The following SHANK2 variants were observed in gnomAD, a reference collection of about 807,000 sequenced individuals.
SHANK2 encodes the protein SH3 and multiple ankyrin repeat domains protein 2.
A neutral mutation model predicts 133.7 loss-of-function variants in SHANK2; 43 were observed. The ratio of observed to expected loss-of-function variants is 0.32; its 90% confidence interval spans 0.25 to 0.41. The LOEUF is 0.41. SHANK2 is among the 10% of genes least tolerant of loss of function. SHANK2 has a pLI of 1.00. For synonymous variants in SHANK2, 1,017 were observed against 952.8 expected, an observed-to-expected ratio of 1.07 and a Z score of -1.24; for missense variants, 1,994 against 2,235.8, an observed-to-expected ratio of 0.89 and a Z score of 2.18.
rs141635237 is a variant in SHANK2, at chr11:71,249,747, T to G, written c.-113+2678A>C. On this transcript the variant is annotated intron_variant, in intron 1 of 25. Coordinates refer to ENST00000601538, the MANE Select transcript of SHANK2 (RefSeq NM_012309.5). ...TACGTATTTGGAAGTAAGGCAAGTATGCTAAAGCACTGCCTTCCTATAAAG... is the reference window on the plus strand; with the variant it reads ...TACGTATTTGGAAGTAAGGCAAGTAGGCTAAAGCACTGCCTTCCTATAAAG... 1.7e-3 allele frequency among the ~76,000 whole-genome samples: 257 copies of G among 152,354 alleles called. 2 individuals carry two copies. The highest frequency in any genetic ancestry group is 6.0e-3 in the African/African-American group (251 of 41,584).
chr11:70,553,373 G>A (rs1282647513), intron 17 of SHANK2, among the ~76,000 whole-genome samples: 2 of 152,154 alleles, frequency 1.3e-5, no homozygotes, highest in African/African-American at 4.8e-5. Flanking sequence ...GATTACAGGC[G>A]TGAGCCACCG....
chr11:70,793,826 G>T (rs1488501703), intron 14 of SHANK2, among the ~76,000 whole-genome samples: 1 of 152,126 alleles, frequency 6.6e-6, no homozygotes, highest in Non-Finnish European at 1.5e-5. Flanking sequence ...TCTACCTAGA[G>T]AAATAAAAAT....
intron 14 of SHANK2, among the ~76,000 whole-genome samples, chr11:70,708,523 G>A (rs981702945): frequency 1.1e-4 from 16 of 152,198 alleles, no homozygotes; most frequent in African/African-American, 3.4e-4. Context: ...TTTTGTCAAA[G>A]GGCAGTGACA....
intron 11 of SHANK2, among the ~76,000 whole-genome samples, chr11:70,839,636 T>C (rs1157550540): frequency 6.6e-6 from 1 of 152,088 alleles, no homozygotes; most frequent in Non-Finnish European, 1.5e-5. Context: ...AATCCAACTT[T>C]TGTAAGGTTT....
intron 2 of SHANK2, among the ~76,000 whole-genome samples, chr11:71,206,252 C>A (rs1954124552): frequency 6.6e-6 from 1 of 152,230 alleles, no homozygotes; most frequent in South Asian, 2.1e-4. Flanking sequence ...CCAGGAAGGG[C>A]TGGAACAACG....
intron 8 of SHANK2, among the ~76,000 whole-genome samples, chr11:71,076,160 T>A (rs1432974738): frequency 6.6e-6 from 1 of 152,062 alleles, no homozygotes; most frequent in African/African-American, 2.4e-5. Context: ...TGAGGGCCCC[T>A]CTGTCCAGCC....
chr11:70,910,155 A>G (rs1950169235), intron 10 of SHANK2, among the ~76,000 whole-genome samples: 1 of 152,150 alleles, frequency 6.6e-6, no homozygotes, highest in Admixed American at 6.5e-5. Flanking sequence ...TACCTCTTCA[A>G]AGGTCCCATC....
chr11:70,658,422 A>G (rs532624), intron 17 of SHANK2, among the ~76,000 whole-genome samples: 152,258 of 152,312 alleles, frequency 1, 76,103 homozygotes, highest in Middle Eastern at 1. Context: ...ACAAAGCCAC[A>G]GCGGGCTCCA....
intron 11 of SHANK2, among the ~76,000 whole-genome samples, chr11:70,835,455 G>T (rs1555059820): frequency 6.6e-6 from 1 of 152,220 alleles, no homozygotes; most frequent in African/African-American, 2.4e-5. Flanking sequence ...CATGTGCTGA[G>T]ATGTGCTCCA....
rs1488979002 is a variant in SHANK2, at chr11:70,882,606, A to C, written c.1174+13895T>G. Among the ~76,000 whole-genome samples, 2 of 152,186 alleles carry C rather than the reference A, an allele frequency of 1.3e-5. No individual in the cohort carries two copies. Among genetic ancestry groups the C allele is most frequent in the Admixed American group, 1.3e-4 (2 of 15,286 alleles). ...GGCTAGTCTGTGCAGAAGCAGGCTT[A>C]GGTCAGAGGTAGGGCAGACCCCAAA... is the stretch of plus-strand genomic sequence containing the variant. On this transcript the variant is annotated intron_variant, in intron 11 of 25. Coordinates refer to ENST00000601538, the MANE Select transcript of SHANK2 (RefSeq NM_012309.5). The surrounding 1 kb of genome is among the most constrained non-coding windows in gnomAD (Gnocchi z 4.2).
chr11:70,821,873 A>G (rs1486724123), intron 11 of SHANK2, among the ~76,000 whole-genome samples: 7 of 152,166 alleles, frequency 4.6e-5, no homozygotes, highest in African/African-American at 1.7e-4. Flanking sequence ...TGTGTGAGGA[A>G]GCAGGGGCTG....
chr11:71,156,333 A>G (rs1396528699), intron 2 of SHANK2, among the ~76,000 whole-genome samples: 1 of 152,022 alleles, frequency 6.6e-6, no homozygotes, highest in Non-Finnish European at 1.5e-5. Flanking sequence ...GATTTCCCTA[A>G]TCACCATCAA....
intron 2 of SHANK2, among the ~76,000 whole-genome samples, chr11:71,165,037 A>ATTT (rs571925889): frequency 2.1e-5 from 3 of 143,156 alleles, no homozygotes; most frequent in African/African-American, 7.7e-5. Flanking sequence ...TCTTGTCTTC[A>ATTT]TTTTTTTTTT....
At chr11:70,655,926 G>A (rs747053376) in intron 17 of SHANK2, among the ~76,000 whole-genome samples, 1 of 152,154 alleles carries the variant, frequency 6.6e-6, no homozygotes. Context: ...TTCAGGGCGT[G>A]TGGGCTGGAG....
In SHANK2 at chr11:70,856,986, T is replaced by C. The variant is rs114235108; in HGVS notation, c.1175-36304A>G. On this transcript the variant is annotated intron_variant, in intron 11 of 25. Transcript: ENST00000601538. ...TCTATCCTTAGTCTGACAGGGTTGG[T>C]GATACCTGTTTTGGACTTACATCTC... 5.0e-3 allele frequency among the ~76,000 whole-genome samples: 762 copies of C among 152,322 alleles called. 7 individuals are homozygous for C. Among genetic ancestry groups the C allele is most frequent in the African/African-American group, 0.017 (691 of 41,562 alleles).
intron 17 of SHANK2, among the ~76,000 whole-genome samples, chr11:70,565,487 C>A (rs2059957177): frequency 6.6e-6 from 1 of 152,164 alleles, no homozygotes; most frequent in African/African-American, 2.4e-5. Context: ...ACCTTGTGAT[C>A]CACCCACCTC....
intron 11 of SHANK2, among the ~76,000 whole-genome samples, chr11:70,856,990 A>G (rs1288190507): frequency 6.6e-6 from 1 of 152,168 alleles, no homozygotes; most frequent in Non-Finnish European, 1.5e-5. Flanking sequence ...GGTTGGTGAT[A>G]CCTGTTTTGG....
chr11:70,782,345 C>T (rs1555045358), intron 14 of SHANK2, among the ~76,000 whole-genome samples: 1 of 152,252 alleles, frequency 6.6e-6, no homozygotes, highest in African/African-American at 2.4e-5. Context: ...GCGTGAGCCA[C>T]CGCGCCCAGC....
chr11:71,150,256 AGGGAGGGAG>A (rs1952766498), intron 2 of SHANK2, among the ~76,000 whole-genome samples: 1 of 48,110 alleles, frequency 2.1e-5, no homozygotes, highest in Non-Finnish European at 3.9e-5. Flanking sequence ...GGAGGGAAGG[AGGGAGGGAG>A]AGGGAGGGAG....
Sources: allele counts gnomAD v4.1 joint callset (sites outside exome capture counted in the v4.1 genomes callset), GRCh38; gene constraint gnomAD v4.1.1; non-coding constraint Gnocchi (gnomAD v3.1); transcripts MANE v1.5; gene names NCBI Gene and HGNC (gene_info 2026-07-23, HGNC 2026-07-21).